GPC6: variants seen among roughly 807,000 people sequenced by gnomAD.
GPC6 encodes the protein glypican 6, also known as glypican-6.
In GPC6, 14 loss-of-function variants were observed where a neutral mutation model predicts 55.2. The ratio of observed to expected loss-of-function variants is 0.25; its 90% CI spans 0.17 to 0.40. GPC6 has a LOEUF of 0.40. Among genes scored for constraint, GPC6 ranks in the 10% least tolerant of loss-of-function variants. GPC6 has a pLI of 1.00. For missense variants in GPC6, 641 were observed against 708.5 expected, an observed-to-expected ratio of 0.90 and a Z score of 1.08; for synonymous variants, 278 against 259.6, an observed-to-expected ratio of 1.07 and a Z score of -0.68.
Position 93,988,184 on chromosome 13 carries a change from A to G in GPC6, c.712-39545A>G, listed in dbSNP as rs149696162. ...TCATGTTTGGGGCTTGGGAATTGTT[A>G]TTTCTAAAAAGTTTTCTAGGTGATT... On this transcript the variant is annotated intron_variant, in intron 3 of 8. Transcript: ENST00000377047. 4.5e-3 allele frequency among the ~76,000 whole-genome samples: 685 copies of G among 152,254 alleles called. 8 individuals are homozygous for G. The highest frequency in any genetic ancestry group is 0.013 in the East Asian group (67 of 5,166).
intron 1 of GPC6, among the ~76,000 whole-genome samples, chr13:93,283,368 G>A (rs1018252447): frequency 6.6e-6 from 1 of 152,158 alleles, no homozygotes; most frequent in Non-Finnish European, 1.5e-5. Context: ...GCATAGGATG[G>A]CCTCAATTTT....
intron 4 of GPC6, among the ~76,000 whole-genome samples, chr13:94,170,645 C>T (rs1888533024): frequency 6.6e-6 from 1 of 152,220 alleles, no homozygotes. Context: ...CAAAATCAGA[C>T]TGGATTTTCA....
intron 6 of GPC6, among the ~76,000 whole-genome samples, chr13:94,353,717 A>G (rs1301326274): frequency 6.6e-6 from 1 of 152,214 alleles, no homozygotes; most frequent in African/African-American, 2.4e-5. Context: ...CAATGCTGAA[A>G]ATTTCATCCA....
At chr13:93,649,143 G>A (rs1880300554) in intron 2 of GPC6, among the ~76,000 whole-genome samples, 1 of 152,134 alleles carries the variant, frequency 6.6e-6, no homozygotes, top group South Asian at 2.1e-4. Context: ...ATTTCATTTG[G>A]TTCAATAAGA....
In GPC6 at chr13:94,336,086, G is replaced by A. The variant is rs572056025; in HGVS notation, c.1152+29963G>A. On this transcript the variant is annotated intron_variant, in intron 6 of 8. Transcript: ENST00000377047. ...AAATGCCCTGCAAAGCATTTTGCTG[G>A]TAGATGCTCGGAAAATGTTGAGGCA... Among the ~76,000 whole-genome samples the A allele has an allele frequency of 2.6e-5, 4 of 152,220 alleles. No homozygotes were observed. In the South Asian group the frequency reaches 8.3e-4, roughly 32 times the overall value.
At chr13:93,840,996 G>T (rs747088759) in intron 3 of GPC6, among the ~76,000 whole-genome samples, 1 of 152,070 alleles carries the variant, frequency 6.6e-6, no homozygotes, top group East Asian at 1.9e-4. Flanking sequence ...CCTATGAGAG[G>T]GTTCTGTGAA....
At chr13:93,973,234 A>C (rs1880366898) in intron 3 of GPC6, among the ~76,000 whole-genome samples, 1 of 152,174 alleles carries the variant, frequency 6.6e-6, no homozygotes, top group Non-Finnish European at 1.5e-5. Flanking sequence ...GACTGTGCTG[A>C]ATAGAGTAGG....
intron 1 of GPC6, among the ~76,000 whole-genome samples, chr13:93,298,730 G>C (rs992970582): frequency 6.6e-6 from 1 of 151,892 alleles, no homozygotes; most frequent in Admixed American, 6.6e-5. Flanking sequence ...TTGTAGGCAT[G>C]AGTCACCTCG....
intron 4 of GPC6, among the ~76,000 whole-genome samples, chr13:94,243,763 C>A (rs1458845808): frequency 1.3e-5 from 2 of 152,116 alleles, no homozygotes; most frequent in African/African-American, 2.4e-5. Context: ...ACCACACAAA[C>A]TATTTTTGGT....
intron 3 of GPC6, among the ~76,000 whole-genome samples, chr13:93,962,681 A>C (rs1879840345): frequency 6.6e-6 from 1 of 152,190 alleles, no homozygotes; most frequent in Admixed American, 6.5e-5. Context: ...TAAAACCTAG[A>C]ATAACAAGCT....
intron 4 of GPC6, among the ~76,000 whole-genome samples, chr13:94,050,952 C>T (rs1883926640): frequency 6.6e-6 from 1 of 152,064 alleles, no homozygotes; most frequent in Non-Finnish European, 1.5e-5. Flanking sequence ...ATGAGCTGAA[C>T]CAGGGCAATC....
intron 1 of GPC6, among the ~76,000 whole-genome samples, chr13:93,366,027 C>G (rs569496469): frequency 1.3e-5 from 2 of 152,144 alleles, no homozygotes; most frequent in South Asian, 4.1e-4. Flanking sequence ...AGCATCAAAA[C>G]AATCCAAGTA....
chr13:93,726,251 C>T (rs1269590969), intron 2 of GPC6, among the ~76,000 whole-genome samples: 1 of 151,644 alleles, frequency 6.6e-6, no homozygotes, highest in Non-Finnish European at 1.5e-5. Context: ...GACATATTTA[C>T]GTCTGTGCAT....
chr13:93,789,288 T>A (rs1219376123), intron 2 of GPC6, among the ~76,000 whole-genome samples: 1 of 151,822 alleles, frequency 6.6e-6, no homozygotes, highest in African/African-American at 2.4e-5. Flanking sequence ...TTCTACACTG[T>A]CTGGGGTTGT....
intron 4 of GPC6, among the ~76,000 whole-genome samples, chr13:94,151,535 C>T (rs562212399): frequency 2.5e-4 from 38 of 152,116 alleles, no homozygotes; most frequent in Admixed American, 1.0e-3. Context: ...ACAGTAAATT[C>T]GAATGGTTAT....
At chr13:93,826,845 G>A (rs1247637753) in intron 2 of GPC6, among the ~76,000 whole-genome samples, 1 of 152,104 alleles carries the variant, frequency 6.6e-6, no homozygotes, top group African/African-American at 2.4e-5. Flanking sequence ...AAGTGATCAG[G>A]CCACATCACA....
At chr13:94,137,876 CT>C (rs1887242222) in intron 4 of GPC6, among the ~76,000 whole-genome samples, 1 of 152,130 alleles carries the variant, frequency 6.6e-6, no homozygotes, top group African/African-American at 2.4e-5. Flanking sequence ...GATTTTTAAT[CT>C]GATAAACTTA....
At chr13:93,766,935 T>C (rs1885145281) in intron 2 of GPC6, among the ~76,000 whole-genome samples, 1 of 152,150 alleles carries the variant, frequency 6.6e-6, no homozygotes, top group South Asian at 2.1e-4. Context: ...TGGACATTCC[T>C]AATGGATTAA....
At chr13:93,878,498 C>G (rs964104033) in intron 3 of GPC6, among the ~76,000 whole-genome samples, 1 of 152,082 alleles carries the variant, frequency 6.6e-6, no homozygotes, top group Non-Finnish European at 1.5e-5. Context: ...CCTGCCTCAG[C>G]CTCCCGAGTA....
Sources: gnomAD v4.1 joint callset for allele counts (sites outside exome capture counted in the v4.1 genomes callset) on GRCh38, gnomAD v4.1.1 for gene constraint, MANE v1.5 for transcripts, NCBI Gene and HGNC (gene_info 2026-07-23, HGNC 2026-07-21) for gene names.